GPC5: variants seen among roughly 807,000 people sequenced by gnomAD.
The protein encoded by GPC5 is glypican-5.
Under a neutral mutation model 53.9 loss-of-function variants are expected in GPC5, and 47 were observed. The ratio of observed to expected loss-of-function variants is 0.87; its 90% confidence interval spans 0.69 to 1.11. The LOEUF (loss-of-function observed/expected upper bound fraction) is 1.11, where lower values mean the gene tolerates loss of function less well. Ranked by LOEUF, GPC5 falls within the 50% of genes most tolerant of loss-of-function variation. The pLI is 0.00. For synonymous variants in GPC5, 286 were observed against 263.3 expected (o/e 1.09, Z -0.84); for missense variants, 748 against 713.1 (o/e 1.05, Z -0.56).
intron 7 of GPC5, among the ~76,000 whole-genome samples, chr13:92,726,616 C>G (rs1847468857): frequency 6.6e-6 from 1 of 151,552 alleles, no homozygotes; most frequent in South Asian, 2.1e-4. Context: ...GTTTATTCCA[C>G]TTAAATGCAC....
intron 7 of GPC5, among the ~76,000 whole-genome samples, chr13:92,637,891 C>T (rs1885462364): frequency 1.3e-5 from 2 of 151,948 alleles, no homozygotes; most frequent in South Asian, 4.1e-4. Flanking sequence ...AAATGAGAAA[C>T]ATGGAAGAGA....
At chr13:92,575,711 C>A (rs73621527) in intron 7 of GPC5, among the ~76,000 whole-genome samples, 2,155 of 152,250 alleles carry the variant, frequency 0.014, 54 homozygotes, top group African/African-American at 0.049. Flanking sequence ...ACTGCTGTGT[C>A]TTTATCTCAT....
chr13:92,023,277 C>T (rs754019838), intron 6 of GPC5, among the ~76,000 whole-genome samples: 5 of 151,794 alleles, frequency 3.3e-5, no homozygotes, highest in Non-Finnish European at 7.4e-5. Context: ...AATTGGAAGA[C>T]GTCATAAATC....
intron 7 of GPC5, among the ~76,000 whole-genome samples, chr13:92,613,876 T>C (rs1884589807): frequency 6.6e-6 from 1 of 150,780 alleles, no homozygotes; most frequent in African/African-American, 2.4e-5. Context: ...TCTTTTAAAA[T>C]AAAAATGAAA....
At chr13:92,105,934 C>T (rs2041505960) in intron 6 of GPC5, among the ~76,000 whole-genome samples, 1 of 151,878 alleles carries the variant, frequency 6.6e-6, no homozygotes, top group African/African-American at 2.4e-5. Flanking sequence ...ATATTGCCTA[C>T]CTTGGTCTTC....
At chr13:92,440,241 C>T (rs1031246739) in intron 7 of GPC5, among the ~76,000 whole-genome samples, 1 of 152,182 alleles carries the variant, frequency 6.6e-6, no homozygotes. Context: ...TTTTTCAACA[C>T]TTTACCCCTC....
intron 7 of GPC5, among the ~76,000 whole-genome samples, chr13:92,387,305 G>A (rs1304409758): frequency 6.6e-6 from 1 of 152,114 alleles, no homozygotes; most frequent in Non-Finnish European, 1.5e-5. Flanking sequence ...TAATGTAGAT[G>A]TTGTGAGCAC....
intron 7 of GPC5, among the ~76,000 whole-genome samples, chr13:92,598,148 G>T (rs1035782733): frequency 3.3e-5 from 5 of 152,122 alleles, no homozygotes; most frequent in Non-Finnish European, 7.4e-5. Context: ...AGTGATGCAT[G>T]ATATTTTATG....
At chr13:92,420,373 T>C (rs964997273) in intron 7 of GPC5, among the ~76,000 whole-genome samples, 5 of 152,180 alleles carry the variant, frequency 3.3e-5, no homozygotes, top group African/African-American at 1.2e-4. Flanking sequence ...TTTTTGTGGA[T>C]ACATAGTAGG....
intron 6 of GPC5, among the ~76,000 whole-genome samples, chr13:92,003,853 G>A (rs1307838079): frequency 6.6e-6 from 1 of 152,106 alleles, no homozygotes; most frequent in Non-Finnish European, 1.5e-5. Context: ...GGCAGTACAA[G>A]TACAAAATGA....
intron 6 of GPC5, among the ~76,000 whole-genome samples, chr13:92,103,278 A>G (rs1426042367): frequency 6.6e-6 from 1 of 152,188 alleles, no homozygotes; most frequent in African/African-American, 2.4e-5. Flanking sequence ...TGCTGAGAAC[A>G]TAACTGAGGC....
intron 7 of GPC5, among the ~76,000 whole-genome samples, chr13:92,380,660 C>T (rs934449237): frequency 6.7e-6 from 1 of 149,934 alleles, no homozygotes; most frequent in Non-Finnish European, 1.5e-5. Context: ...TGGAAATCAT[C>T]ATTCTCAGCA....
chr13:91,648,607 G>A (rs181326540), intron 2 of GPC5, among the ~76,000 whole-genome samples: 113 of 152,124 alleles, frequency 7.4e-4, no homozygotes, highest in African/African-American at 2.6e-3. Flanking sequence ...AAAAAAATTA[G>A]TAAATTTTCT....
chr13:91,670,796 GTC>G (rs1347884867), intron 2 of GPC5, among the ~76,000 whole-genome samples: 1 of 152,168 alleles, frequency 6.6e-6, no homozygotes, highest in Admixed American at 6.6e-5. Flanking sequence ...CAGCATTACT[GTC>G]TCTCTTAGGC....
chr13:92,412,488 C>A (rs1413412500), intron 7 of GPC5, among the ~76,000 whole-genome samples: 2 of 152,044 alleles, frequency 1.3e-5, no homozygotes, highest in East Asian at 1.9e-4. Context: ...GGCACGTGAG[C>A]CAAGATTTAT....
intron 2 of GPC5, among the ~76,000 whole-genome samples, chr13:91,561,045 T>G (rs2031232948): frequency 6.6e-6 from 1 of 152,144 alleles, no homozygotes. Flanking sequence ...CTTTTGGGGT[T>G]ACTGTCTTTG....
At chr13:92,580,657 A>G (rs1454411922) in intron 7 of GPC5, among the ~76,000 whole-genome samples, 1 of 152,096 alleles carries the variant, frequency 6.6e-6, no homozygotes. Context: ...AAAGTGGGAG[A>G]AGACACATCA....
intron 6 of GPC5, among the ~76,000 whole-genome samples, chr13:91,938,327 C>T (rs960305984): frequency 1.3e-5 from 2 of 152,054 alleles, no homozygotes; most frequent in African/African-American, 4.8e-5. Context: ...GGAAGTGCAA[C>T]ACTCTTTTAA....
At chr13:91,609,730 A>G (rs1380833061) in intron 2 of GPC5, among the ~76,000 whole-genome samples, 1 of 152,122 alleles carries the variant, frequency 6.6e-6, no homozygotes, top group African/African-American at 2.4e-5. Context: ...TTGCTCTACA[A>G]CTTTGGAACC....
Sources: allele counts gnomAD v4.1 joint callset (sites outside exome capture counted in the v4.1 genomes callset), GRCh38; gene constraint gnomAD v4.1.1; transcripts MANE v1.5; gene names NCBI Gene and HGNC (gene_info 2026-07-23, HGNC 2026-07-21).